CAMKMT: variants seen among roughly 807,000 people sequenced by gnomAD.
CAMKMT encodes calmodulin-lysine N-methyltransferase, also known as CaM KMT.
Under a neutral mutation model 48.0 loss-of-function variants are expected in CAMKMT, and 53 were observed. That is an observed-to-expected ratio of 1.10 (90% CI 0.89 to 1.39). The LOEUF (loss-of-function observed/expected upper bound fraction) is 1.39, where lower values mean the gene tolerates loss of function less well. Ranked by LOEUF, CAMKMT falls within the 40% of genes most tolerant of loss-of-function variation. CAMKMT has a pLI of 0.00. For missense variants in CAMKMT, 428 were observed against 402.7 expected (o/e 1.06, Z -0.54); for synonymous variants, 165 against 152.3 (o/e 1.08, Z -0.61).
intron 7 of CAMKMT, among the ~76,000 whole-genome samples, chr2:44,725,941 C>G (rs1678758294): frequency 6.6e-6 from 1 of 152,000 alleles, no homozygotes; most frequent in South Asian, 2.1e-4. Context: ...CAGATCCCAT[C>G]ACCCAGGTAG....
At chr2:44,398,944 C>T (rs1473840174) in intron 3 of CAMKMT, among the ~76,000 whole-genome samples, 1 of 152,172 alleles carries the variant, frequency 6.6e-6, no homozygotes, top group Non-Finnish European at 1.5e-5. Context: ...CTTTTACTCT[C>T]CACTCAGCCC....
intron 7 of CAMKMT, among the ~76,000 whole-genome samples, chr2:44,736,207 G>A (rs956871967): frequency 6.6e-6 from 1 of 151,988 alleles, no homozygotes; most frequent in African/African-American, 2.4e-5. Flanking sequence ...AGGTCTGCTG[G>A]TGATTAATTC....
intron 3 of CAMKMT, among the ~76,000 whole-genome samples, chr2:44,564,828 C>G (rs1303945863): frequency 6.6e-6 from 1 of 152,190 alleles, no homozygotes; most frequent in Non-Finnish European, 1.5e-5. Flanking sequence ...GCGTGAGCTA[C>G]CACACCCGGC....
At chr2:44,545,882 A>C (rs1309574713) in intron 3 of CAMKMT, among the ~76,000 whole-genome samples, 2 of 152,130 alleles carry the variant, frequency 1.3e-5, no homozygotes, top group Non-Finnish European at 2.9e-5. Context: ...AGGAGGGATC[A>C]TCAACTCATT....
In CAMKMT at chr2:44,623,984, T is replaced by C. The variant is rs181312008; in HGVS notation, c.377-80299T>C. Among the ~76,000 whole-genome samples the C allele has an allele frequency of 1.2e-4, 19 of 152,320 alleles. No homozygotes were observed. The East Asian group carries it at 3.1e-3, about 25-fold the overall frequency. The stretch of plus-strand genomic sequence containing the variant: ...TGTTTTCTATTAGTAGTTTAGTCTT[T>C]TTGAATTTTGGAGTAGTATTCCACT... On this transcript the variant is annotated intron_variant, in intron 3 of 10. Transcript: ENST00000378494.
At chr2:44,574,484 T>C (rs1318181626) in intron 3 of CAMKMT, among the ~76,000 whole-genome samples, 1 of 152,100 alleles carries the variant, frequency 6.6e-6, no homozygotes, top group South Asian at 2.1e-4. Context: ...TCTGGATTGG[T>C]TGACTTAAAT....
At chr2:44,726,343 C>G (rs1031494235) in intron 7 of CAMKMT, among the ~76,000 whole-genome samples, 1 of 152,162 alleles carries the variant, frequency 6.6e-6, no homozygotes, top group Non-Finnish European at 1.5e-5. Context: ...GAGGTGCTAT[C>G]TCACTGTGGT....
At chr2:44,659,681 G>A (rs1674577430) in intron 3 of CAMKMT, among the ~76,000 whole-genome samples, 1 of 151,936 alleles carries the variant, frequency 6.6e-6, no homozygotes, top group African/African-American at 2.4e-5. Flanking sequence ...AGGTGGCAAA[G>A]TTACTTTTTT....
chr2:44,584,982 G>A (rs574247692), intron 3 of CAMKMT, among the ~76,000 whole-genome samples: 71 of 151,970 alleles, frequency 4.7e-4, no homozygotes, highest in Non-Finnish European at 8.2e-4. Flanking sequence ...ATGAACCCAC[G>A]AGGCGGAGGT....
intron 9 of CAMKMT, among the ~76,000 whole-genome samples, chr2:44,759,439 A>G (rs1369341164): frequency 6.6e-6 from 1 of 151,984 alleles, no homozygotes; most frequent in Non-Finnish European, 1.5e-5. Context: ...TTGCTCAGAT[A>G]CTTTCTCATC....
At chr2:44,695,193 A>G (rs1676871126) in intron 3 of CAMKMT, among the ~76,000 whole-genome samples, 1 of 152,214 alleles carries the variant, frequency 6.6e-6, no homozygotes, top group Non-Finnish European at 1.5e-5. Flanking sequence ...TTTTAAGTTC[A>G]GAGGTACATG....
At chr2:44,746,907 C>G (rs972309267) in intron 8 of CAMKMT, among the ~76,000 whole-genome samples, 1 of 152,168 alleles carries the variant, frequency 6.6e-6, no homozygotes, top group Non-Finnish European at 1.5e-5. Flanking sequence ...ATCTAAGGGT[C>G]TGGAAGTAAG....
chr2:44,595,685 GTA>G (rs759286768), intron 3 of CAMKMT, among the ~76,000 whole-genome samples: 1 of 152,202 alleles, frequency 6.6e-6, no homozygotes, highest in Non-Finnish European at 1.5e-5. Context: ...ACATGCACAT[GTA>G]TGTTTATTGC....
intron 3 of CAMKMT, among the ~76,000 whole-genome samples, chr2:44,656,000 G>A (rs1279333161): frequency 6.6e-6 from 1 of 152,138 alleles, no homozygotes; most frequent in Non-Finnish European, 1.5e-5. Flanking sequence ...TTTAAGTGGG[G>A]CAGTGGGGAG....
chr2:44,708,211 A>ATTTTTTTTTGTTTTTTTT (rs1677672555), intron 6 of CAMKMT, among the ~76,000 whole-genome samples: 1 of 68,180 alleles, frequency 1.5e-5, no homozygotes, highest in African/African-American at 5.8e-5. Context: ...TTTGCTTTGG[A>ATTTTTTTTTGTTTTTTTT]TTTTTTTTTT....
At chr2:44,605,998 A>C (rs1044446170) in intron 3 of CAMKMT, among the ~76,000 whole-genome samples, 3 of 152,198 alleles carry the variant, frequency 2.0e-5, no homozygotes, top group African/African-American at 4.8e-5. Flanking sequence ...TATATAGTTC[A>C]TGAACCATTT....
chr2:44,698,137 A>G (rs1483045201), intron 3 of CAMKMT, among the ~76,000 whole-genome samples: 3 of 152,220 alleles, frequency 2.0e-5, no homozygotes, highest in Non-Finnish European at 4.4e-5. Context: ...CATACCATAC[A>G]ATTCATCCAG....
intron 7 of CAMKMT, among the ~76,000 whole-genome samples, chr2:44,734,091 C>CTT (rs938133763): frequency 6.9e-6 from 1 of 144,760 alleles, no homozygotes; most frequent in African/African-American, 2.5e-5. Flanking sequence ...TTTATTACTT[C>CTT]TTTTTTTTTT....
intron 3 of CAMKMT, among the ~76,000 whole-genome samples, chr2:44,683,299 T>C (rs114959047): frequency 0.016 from 2,403 of 152,280 alleles, 29 homozygotes; most frequent in African/African-American, 0.034. Flanking sequence ...AACACTGATA[T>C]CCACCTGGAA....
Sources: gnomAD v4.1 joint callset for allele counts (sites outside exome capture counted in the v4.1 genomes callset) on GRCh38, gnomAD v4.1.1 for gene constraint, MANE v1.5 for transcripts, NCBI Gene and HGNC (gene_info 2026-07-23, HGNC 2026-07-21) for gene names.